Variants in GLYR1 observed in about 807,000 individuals in gnomAD.
GLYR1 encodes the protein cytokine-like nuclear factor N-PAC.
A neutral mutation model predicts 72.7 loss-of-function variants in GLYR1; 21 were observed. The observed-to-expected ratio is 0.29, with a 90% CI of 0.20 to 0.42. GLYR1 has a LOEUF of 0.42. Among genes scored for constraint, GLYR1 ranks in the 10% least tolerant of loss-of-function variants. The probability of loss-of-function intolerance (pLI) is 1.00; values close to 1 mark genes in which losing one functional copy is unlikely to be tolerated. For synonymous variants in GLYR1, 392 were observed against 270.2 expected (o/e 1.45, Z -4.42); for missense variants, 594 against 712.1 (o/e 0.83, Z 1.89).
chr16:4,833,046 C>T, intron 3 of GLYR1, 134 bp from the exon 4 acceptor site: 1 of 711,562 alleles, frequency 1.4e-6, no homozygotes, highest in Non-Finnish European at 2.2e-6. Context: ...CCATTTCTTT[C>T]AAAACATGCT....
At chr16:4,826,388 G>A (rs2084381385) in intron 5 of GLYR1, among the ~76,000 whole-genome samples, 1 of 152,154 alleles carries the variant, frequency 6.6e-6, no homozygotes, top group Non-Finnish European at 1.5e-5. Context: ...TTATGGGAGT[G>A]AGCCACTGTG....
intron 3 of GLYR1, chr16:4,843,811 A>C: frequency 3.7e-6 from 1 of 268,384 alleles, no homozygotes; most frequent in Non-Finnish European, 6.0e-6. Flanking sequence ...AAGAAATCAA[A>C]CCGGCTGGGC....
At chr16:4,808,661 A>T (rs114047156) in intron 15 of GLYR1, among the ~76,000 whole-genome samples, 1 of 152,208 alleles carries the variant, frequency 6.6e-6, no homozygotes, top group Admixed American at 6.5e-5. Flanking sequence ...ATAGTACTTT[A>T]AAAATACAGC....
Position 4,837,589 on chromosome 16 carries a change from C to T in GLYR1, c.156-4677G>A, listed in dbSNP as rs546354498. On this transcript the variant is annotated intron_variant, in intron 3 of 15. Transcript: ENST00000321919. ...AAGAGAAAGAGAAAAGGAGAAAGGA[C>T]GGGGAGAAGATGGCAGGGGGAGGGA... 5.3e-5 allele frequency among the ~76,000 whole-genome samples: 8 copies of T among 151,876 alleles called. No homozygotes were observed. In the South Asian group the frequency reaches 1.2e-3, roughly 24 times the overall value.
chr16:4,812,292 G>A (rs202132799), intron 12 of GLYR1, 44 bp from the exon 13 acceptor site: 47 of 1,585,710 alleles, frequency 3.0e-5, no homozygotes, highest in Admixed American at 2.3e-4. Flanking sequence ...CCCTCTCCCA[G>A]CGCTCTCTGG....
At chr16:4,825,308 C>T (rs958034185) in intron 5 of GLYR1, among the ~76,000 whole-genome samples, 5 of 152,268 alleles carry the variant, frequency 3.3e-5, no homozygotes, top group Middle Eastern at 3.4e-3. Flanking sequence ...TTTCTTCCCC[C>T]GTCACTGCTC....
In GLYR1 at chr16:4,811,253, A is replaced by ATT; in HGVS notation, c.1502_1503dup (p.Tyr502AsnfsTer9). The ATT allele has an allele frequency of 6.2e-7, 1 of 1,614,134 alleles. No individual in the cohort carries two copies. ...GCTAAGCGGAGATCCTTCTGAATGT[A>ATT]TTTCAGGTAGAAATCAGGCTTAAAG... On this transcript the variant is annotated frameshift_variant, in exon 15 of 16. Transcript: ENST00000321919. LOFTEE classifies it high-confidence loss of function.
chr16:4,804,469 G>A lies in GLYR1; in HGVS notation c.*767C>T, dbSNP rs2082857501. 6.5e-6 allele frequency: 1 copy of A among 152,950 alleles called. No individual in the cohort carries two copies. The highest frequency in any genetic ancestry group is 2.1e-4 in the South Asian group (1 of 4,832). 9.5% of individuals were successfully genotyped at this position (152,950 alleles called of 1,614,324 possible). A position where few individuals can be genotyped will look rare whatever the true frequency, so the allele number is the denominator to read the frequency against. On this transcript the variant is annotated 3_prime_UTR_variant, in exon 16 of 16. Transcript: ENST00000321919. ...GGAGGAGCGAGCGCCCGCTGTGGCA[G>A]TGGCATCTGGGGCATGGCTTCGAGG...
At chr16:4,839,903 T>C (rs2085421864) in intron 3 of GLYR1, 1 of 152,324 alleles carries the variant, frequency 6.6e-6, no homozygotes, top group East Asian at 1.9e-4. Flanking sequence ...GACCAAATCC[T>C]GTATTTCTCA....
intron 15 of GLYR1, among the ~76,000 whole-genome samples, chr16:4,806,226 C>G (rs542068781): frequency 6.6e-6 from 1 of 152,242 alleles, no homozygotes. Flanking sequence ...ATAGCCCCCC[C>G]ACACAGAATG....
intron 15 of GLYR1, among the ~76,000 whole-genome samples, chr16:4,806,221 C>A (rs987738522): frequency 2.6e-5 from 4 of 152,098 alleles, no homozygotes; most frequent in African/African-American, 9.7e-5. Flanking sequence ...CTTGGATAGC[C>A]CCCCCACACA....
intron 1 of GLYR1, chr16:4,846,886 G>A (rs2086158908): frequency 2.7e-6 from 1 of 370,584 alleles, no homozygotes; most frequent in East Asian, 6.1e-5. Flanking sequence ...CTGCTTTCTG[G>A]GAAGCCCCAA....
At chr16:4,808,012 G>A (rs1220301008) in intron 15 of GLYR1, among the ~76,000 whole-genome samples, 3 of 152,154 alleles carry the variant, frequency 2.0e-5, no homozygotes, top group African/African-American at 7.2e-5. Context: ...AAGGCAGGCG[G>A]ATTACTTGAG....
In GLYR1 at chr16:4,832,116, C is replaced by G; in HGVS notation, c.400G>C (p.Gly134Arg). The change falls in exon 5 of 16, where the codon GGG becomes CGG. Residue 134 changes from glycine (G) to arginine (R), a missense_variant. Physicochemically the swap from Gly to Arg is moderately radical, Grantham distance 125 (BLOSUM62 -2). Transcript: ENST00000321919. ...DEKRKLSLSE[G>R]KVKKNMGEGK... Reference sequence around the variant, plus strand: ...TCTCCCATGTTCTTCTTCACCTTCCCTTCAGACAGGCTAAGTTTGCGCTTC... The same window carrying G: ...TCTCCCATGTTCTTCTTCACCTTCCGTTCAGACAGGCTAAGTTTGCGCTTC... The G allele has an allele frequency of 6.2e-7, 1 of 1,614,186 alleles. No individual in the cohort carries two copies. Among genetic ancestry groups the G allele is most frequent in the South Asian group, 1.1e-5 (1 of 91,082 alleles).
rs961044548 is a variant in GLYR1, at chr16:4,834,824, T to C, written c.156-1912A>G. Reference sequence around the variant, plus strand: ...AACATGAGAGCGCCAATGAGTCCAATCTGCTGGGAGGAAAAGTGGAAGGAG... The same window carrying C: ...AACATGAGAGCGCCAATGAGTCCAACCTGCTGGGAGGAAAAGTGGAAGGAG... On this transcript the variant is annotated intron_variant, in intron 3 of 15. Coordinates refer to ENST00000321919, the MANE Select transcript of GLYR1 (RefSeq NM_032569.4). Among the ~76,000 whole-genome samples, 2 of 152,140 alleles carry C rather than the reference T, an allele frequency of 1.3e-5. 1 individual carries two copies. Among genetic ancestry groups the C allele is most frequent in the Non-Finnish European group, 2.9e-5 (2 of 68,008 alleles).
At position 4,811,248 on chromosome 16, in the gene GLYR1, A is replaced by G. The variant is rs2083308794; in HGVS notation, c.1509T>C (p.Ile503=). ...NFKPDFYLKY[I]QKDLRLAIAL... is the part of the protein sequence containing the mutation. ...CAATGGCTAAGCGGAGATCCTTCTGAATGTATTTCAGGTAGAAATCAGGCT... is the reference window on the plus strand; with the variant it reads ...CAATGGCTAAGCGGAGATCCTTCTGGATGTATTTCAGGTAGAAATCAGGCT... The change falls in exon 15 of 16, where the codon ATT becomes ATC. Residue 503 remains isoleucine (I), a synonymous_variant. Coordinates refer to ENST00000321919, the MANE Select transcript of GLYR1 (RefSeq NM_032569.4). The G allele has an allele frequency of 1.2e-6, 2 of 1,614,176 alleles. No homozygotes were observed. The highest frequency in any genetic ancestry group is 1.7e-6 in the Non-Finnish European group (2 of 1,180,020).
rs2083732829 is a variant in GLYR1 at position 4,817,611 on chromosome 16, C to T, written c.893G>A (p.Arg298His). 1.2e-6 allele frequency: 2 copies of T among 1,608,636 alleles called. No homozygotes were observed. The highest frequency in any genetic ancestry group is 1.7e-6 in the Non-Finnish European group (2 of 1,175,054). The part of the protein sequence containing the change: ...KMGHTVTVWN[R>H]TAEKCDLFIQ... ...CTGAATGCTTACTTTCTCTGCAGTG[C>T]GGTTCCAGACAGTCACTGTGTGACC... Residue 298 changes from arginine (R) to histidine (H), a missense_variant, in exon 10 of 16, where the codon CGC becomes CAC. Transcript: ENST00000321919.
At chr16:4,817,341 G>C (rs1011766535) in intron 10 of GLYR1, among the ~76,000 whole-genome samples, 2 of 151,908 alleles carry the variant, frequency 1.3e-5, no homozygotes, top group Non-Finnish European at 2.9e-5. Flanking sequence ...GGATGGTCTC[G>C]ATCTCCTGAC....
At chr16:4,831,504 C>T (rs756337972) in intron 5 of GLYR1, among the ~76,000 whole-genome samples, 1 of 152,226 alleles carries the variant, frequency 6.6e-6, no homozygotes, top group Non-Finnish European at 1.5e-5. Context: ...CCGAGCCTCA[C>T]ACGGGCTGTG....
Sources: allele counts gnomAD v4.1 joint callset (sites outside exome capture counted in the v4.1 genomes callset), GRCh38; gene constraint gnomAD v4.1.1; transcripts MANE v1.5; gene names NCBI Gene and HGNC (gene_info 2026-07-23, HGNC 2026-07-21).